The following ASIC2 variants were observed in gnomAD, a reference collection of about 807,000 sequenced individuals.
The protein encoded by ASIC2 is acid sensing ion channel subunit 2.
ASIC2 carries 25 observed loss-of-function variants against 57.3 expected under a neutral mutation model. The observed-to-expected ratio is 0.44, with a 90% CI of 0.32 to 0.61. ASIC2 has a LOEUF of 0.61. Among genes scored for constraint, ASIC2 ranks in the 20% least tolerant of loss-of-function variants. The pLI is 0.06. For missense variants in ASIC2, 641 were observed against 738.1 expected (o/e 0.87, Z 1.52); for synonymous variants, 319 against 307.5 (o/e 1.04, Z -0.39).
intron 1 of ASIC2, among the ~76,000 whole-genome samples, chr17:33,530,812 A>T (rs771735271): frequency 2.6e-4 from 39 of 152,190 alleles, no homozygotes; most frequent in Non-Finnish European, 4.9e-4. Context: ...ATAAAAGTCA[A>T]TCATTTCTAT....
At chr17:33,506,989 A>G (rs1914283597) in intron 1 of ASIC2, among the ~76,000 whole-genome samples, 2 of 152,186 alleles carry the variant, frequency 1.3e-5, no homozygotes. Flanking sequence ...AGGAGGAGAC[A>G]GGATGTTAAC....
intron 1 of ASIC2, among the ~76,000 whole-genome samples, chr17:34,083,748 T>C (rs1368289371): frequency 6.6e-6 from 1 of 152,266 alleles, no homozygotes; most frequent in Non-Finnish European, 1.5e-5. Context: ...ATTGTGGTTT[T>C]GATTTGCATT....
intron 1 of ASIC2, among the ~76,000 whole-genome samples, chr17:34,077,987 C>A (rs544317142): frequency 1.3e-5 from 2 of 152,312 alleles, no homozygotes; most frequent in African/African-American, 4.8e-5. Flanking sequence ...GCCAGCTCTA[C>A]TCTCTGATGA....
chr17:33,101,091 G>C (rs2092210392), intron 2 of ASIC2, among the ~76,000 whole-genome samples: 1 of 152,176 alleles, frequency 6.6e-6, no homozygotes, highest in African/African-American at 2.4e-5. Context: ...GCTGCTGTAG[G>C]TTCCTGTGCC....
chr17:33,595,740 G>A (rs1383276436), intron 1 of ASIC2, among the ~76,000 whole-genome samples: 1 of 152,234 alleles, frequency 6.6e-6, no homozygotes, highest in Admixed American at 6.5e-5. Flanking sequence ...TTGCAGGGGG[G>A]TTGTGAAAAT....
At chr17:33,059,012 T>C (rs2092010031) in intron 3 of ASIC2, among the ~76,000 whole-genome samples, 1 of 152,108 alleles carries the variant, frequency 6.6e-6, no homozygotes, top group Admixed American at 6.6e-5. Flanking sequence ...CAACATAATG[T>C]TGAACAGAGA....
At chr17:33,859,935 T>C (rs1038642326) in intron 1 of ASIC2, among the ~76,000 whole-genome samples, 1 of 152,194 alleles carries the variant, frequency 6.6e-6, no homozygotes, top group African/African-American at 2.4e-5. Context: ...TCCTTCTGCC[T>C]TGAATCTCAA....
chr17:33,913,113 G>A (rs1345586895), intron 1 of ASIC2, among the ~76,000 whole-genome samples: 1 of 151,370 alleles, frequency 6.6e-6, no homozygotes, highest in East Asian at 1.9e-4. Flanking sequence ...ATTTCTGCCA[G>A]TTCTCACAGA....
intron 1 of ASIC2, among the ~76,000 whole-genome samples, chr17:33,636,594 A>G (rs1384623801): frequency 1.3e-5 from 2 of 152,176 alleles, no homozygotes; most frequent in Non-Finnish European, 2.9e-5. Flanking sequence ...CTAAGAGTCC[A>G]TATTTATGGG....
intron 1 of ASIC2, among the ~76,000 whole-genome samples, chr17:33,445,200 G>T (rs190256999): frequency 6.6e-6 from 1 of 152,172 alleles, no homozygotes; most frequent in South Asian, 2.1e-4. Flanking sequence ...AGGCCAAGGC[G>T]TCTGATCATT....
intron 1 of ASIC2, among the ~76,000 whole-genome samples, chr17:33,452,472 A>G (rs978547700): frequency 6.6e-6 from 1 of 152,196 alleles, no homozygotes; most frequent in East Asian, 1.9e-4. Context: ...AAAGCAATGG[A>G]AAAGGGAAGC....
intron 1 of ASIC2, chr17:34,069,986 A>G (rs1909337208): frequency 6.6e-6 from 1 of 152,082 alleles, no homozygotes; most frequent in South Asian, 2.1e-4. Flanking sequence ...TAATTAATAG[A>G]ATTTGTACAT....
At chr17:33,570,135 C>T (rs754875942) in intron 1 of ASIC2, among the ~76,000 whole-genome samples, 3 of 152,234 alleles carry the variant, frequency 2.0e-5, no homozygotes, top group Non-Finnish European at 4.4e-5. Context: ...TACCCCTTCT[C>T]TGAACTACTA....
intron 1 of ASIC2, among the ~76,000 whole-genome samples, chr17:33,813,801 T>G (rs1046793318): frequency 5.3e-5 from 8 of 152,054 alleles, no homozygotes; most frequent in African/African-American, 1.4e-4. Context: ...GGGTGAAAGA[T>G]AATTTGGCAT....
intron 1 of ASIC2, among the ~76,000 whole-genome samples, chr17:34,133,703 T>C (rs1181498088): frequency 6.6e-6 from 1 of 152,222 alleles, no homozygotes; most frequent in Non-Finnish European, 1.5e-5. Flanking sequence ...GGCCACCTGC[T>C]GTATGCAAAG....
intron 1 of ASIC2, among the ~76,000 whole-genome samples, chr17:33,340,429 T>C (rs1265396740): frequency 6.6e-6 from 1 of 152,208 alleles, no homozygotes; most frequent in Non-Finnish European, 1.5e-5. Context: ...TGTTGGATAC[T>C]GCTCTCTTTT....
chr17:33,563,269 CT>C (rs977377247), intron 1 of ASIC2, among the ~76,000 whole-genome samples: 1 of 152,210 alleles, frequency 6.6e-6, no homozygotes, highest in Admixed American at 6.5e-5. Flanking sequence ...GTACCAGACA[CT>C]TTACATGTCT....
chr17:33,073,591 G>A (rs1214772793), intron 3 of ASIC2, among the ~76,000 whole-genome samples: 1 of 152,204 alleles, frequency 6.6e-6, no homozygotes, highest in Non-Finnish European at 1.5e-5. Context: ...TCACAATGGG[G>A]ATCCCGAGAG....
At chr17:34,047,423 T>G (rs1908378337) in intron 1 of ASIC2, among the ~76,000 whole-genome samples, 1 of 144,420 alleles carries the variant, frequency 6.9e-6, no homozygotes, top group Non-Finnish European at 1.5e-5. Flanking sequence ...CCTTCATCCC[T>G]ACTTCTAGCC....
Sources: allele counts gnomAD v4.1 joint callset (sites outside exome capture counted in the v4.1 genomes callset), GRCh38; gene constraint gnomAD v4.1.1; transcripts MANE v1.5; gene names NCBI Gene and HGNC (gene_info 2026-07-23, HGNC 2026-07-21).